Variants in TMEM71 observed in about 807,000 individuals in gnomAD.
The protein encoded by TMEM71 is transmembrane protein 71.
Under a neutral mutation model 38.0 loss-of-function variants are expected in TMEM71, and 44 were observed. The observed-to-expected ratio is 1.16, with a 90% confidence interval of 0.91 to 1.49. The LOEUF (loss-of-function observed/expected upper bound fraction) is 1.49, where lower values mean the gene tolerates loss of function less well. TMEM71 is among the 40% of genes most tolerant of loss of function. The probability of loss-of-function intolerance (pLI) is 0.00; values close to 1 mark genes in which losing one functional copy is unlikely to be tolerated. For synonymous variants in TMEM71, 133 were observed against 122.5 expected, an observed-to-expected ratio of 1.09 and a Z score of -0.56; for missense variants, 367 against 348.6, an observed-to-expected ratio of 1.05 and a Z score of -0.42.
chr8:132,771,089 T>A, the TMEM71 span, among the ~76,000 whole-genome samples: 1 of 152,206 alleles, frequency 6.6e-6, no homozygotes, highest in African/African-American at 2.4e-5. Context: ...TTGTCCTAAA[T>A]CAGAAATGTG....
intron 7 of TMEM71, among the ~76,000 whole-genome samples, chr8:132,719,904 G>A (rs953003839): frequency 6.6e-6 from 1 of 152,082 alleles, no homozygotes; most frequent in African/African-American, 2.4e-5. Context: ...TCCCATCCAG[G>A]TCACCACATA....
At chr8:132,743,143 C>A (rs1045362311) in intron 5 of TMEM71, among the ~76,000 whole-genome samples, 1 of 151,696 alleles carries the variant, frequency 6.6e-6, no homozygotes, top group Non-Finnish European at 1.5e-5. Flanking sequence ...TATCATGACA[C>A]ATGCTCAAAT....
At chr8:132,728,646 T>C (rs1040274168) in intron 5 of TMEM71, among the ~76,000 whole-genome samples, 2 of 152,260 alleles carry the variant, frequency 1.3e-5, no homozygotes, top group African/African-American at 2.4e-5. Context: ...GAAGTTTGTA[T>C]AGATGGATTT....
intron 6 of TMEM71, among the ~76,000 whole-genome samples, chr8:132,727,593 TAC>T (rs1438307697): frequency 0.037 from 5,636 of 152,210 alleles, 345 homozygotes; most frequent in African/African-American, 0.13. Context: ...CAGATCCAGT[TAC>T]TGATGCCTCT....
At chr8:132,766,605 G>T in the TMEM71 span, among the ~76,000 whole-genome samples, 1 of 152,026 alleles carries the variant, frequency 6.6e-6, no homozygotes, top group African/African-American at 2.4e-5. Context: ...TTCAAGACCA[G>T]CTTGGGCAAC....
intron 4 of TMEM71, among the ~76,000 whole-genome samples, chr8:132,748,655 T>C (rs1828523939): frequency 6.6e-6 from 1 of 152,234 alleles, no homozygotes; most frequent in East Asian, 1.9e-4. Flanking sequence ...AAAAAGGAAT[T>C]AGTAATTTTT....
the TMEM71 span, among the ~76,000 whole-genome samples, chr8:132,773,871 A>G: frequency 1.3e-5 from 2 of 152,340 alleles, no homozygotes; most frequent in South Asian, 4.1e-4. Flanking sequence ...GGATTATGCC[A>G]TGTAACAAAC....
the TMEM71 span, among the ~76,000 whole-genome samples, chr8:132,774,855 T>A: frequency 3.3e-5 from 5 of 152,360 alleles, no homozygotes; most frequent in Admixed American, 3.3e-4. Flanking sequence ...ATATTCGTCT[T>A]TGTATTGTAA....
intron 1 of TMEM71, among the ~76,000 whole-genome samples, chr8:132,759,691 T>G (rs1301222907): frequency 6.6e-6 from 1 of 152,238 alleles, no homozygotes; most frequent in African/African-American, 2.4e-5. Context: ...AATTATTTTC[T>G]GATTCACCAC....
intron 9 of TMEM71, among the ~76,000 whole-genome samples, 196 bp from the exon 10 acceptor site, chr8:132,711,178 C>A (rs1388564982): frequency 6.6e-6 from 1 of 152,176 alleles, no homozygotes; most frequent in Non-Finnish European, 1.5e-5. Context: ...TTTATCCCAG[C>A]AGTTCTTAGT....
chr8:132,770,820 T>C, the TMEM71 span, among the ~76,000 whole-genome samples: 3 of 152,218 alleles, frequency 2.0e-5, no homozygotes, highest in African/African-American at 7.2e-5. Context: ...CTTGCTAAAA[T>C]GCAGATTTCC....
chr8:132,756,761 A>AT (rs1829041075), intron 3 of TMEM71, among the ~76,000 whole-genome samples: 1 of 151,564 alleles, frequency 6.6e-6, no homozygotes, highest in Non-Finnish European at 1.5e-5. Context: ...TAATTTTTGT[A>AT]TTTTTAGTAG....
chr8:132,765,419 T>A (rs1433002901), upstream of TMEM71, among the ~76,000 whole-genome samples: 1 of 152,190 alleles, frequency 6.6e-6, no homozygotes, highest in Non-Finnish European at 1.5e-5. Flanking sequence ...GGTGTGGCTC[T>A]GCAGAAAGAA....
At chr8:132,755,546 A>G (rs1035588668) in intron 3 of TMEM71, among the ~76,000 whole-genome samples, 2 of 152,174 alleles carry the variant, frequency 1.3e-5, no homozygotes, top group Non-Finnish European at 2.9e-5. Flanking sequence ...AGCCTAAATC[A>G]TGCCTCCTAG....
chr8:132,754,114 C>T (rs372698096), intron 3 of TMEM71, among the ~76,000 whole-genome samples: 2 of 152,154 alleles, frequency 1.3e-5, no homozygotes, highest in Non-Finnish European at 2.9e-5. Context: ...AACCATAGAA[C>T]CCAGCCCTTT....
chr8:132,763,673 T>C (rs2131226975), upstream of TMEM71, among the ~76,000 whole-genome samples: 1 of 152,342 alleles, frequency 6.6e-6, no homozygotes, highest in South Asian at 2.1e-4. Flanking sequence ...TTATTTGCCT[T>C]GAGAATCTTT....
chr8:132,741,688 ACTG>A (rs1330132126), intron 5 of TMEM71, among the ~76,000 whole-genome samples: 1 of 152,064 alleles, frequency 6.6e-6, no homozygotes, highest in Non-Finnish European at 1.5e-5. Context: ...CTAATTTACT[ACTG>A]CTATCTAGAA....
intron 5 of TMEM71, among the ~76,000 whole-genome samples, chr8:132,746,013 T>C (rs1482874489): frequency 7.0e-6 from 1 of 142,208 alleles, no homozygotes; most frequent in Admixed American, 7.4e-5. Flanking sequence ...CTGGGGCTAC[T>C]AGATGGGGGA....
the TMEM71 span, among the ~76,000 whole-genome samples, chr8:132,766,798 A>T: frequency 9.0e-3 from 489 of 54,602 alleles, 13 homozygotes; most frequent in African/African-American, 0.017. Flanking sequence ...AAAAAAAATA[A>T]AAATAAAAAA....
Sources: allele counts gnomAD v4.1 joint callset (sites outside exome capture counted in the v4.1 genomes callset), GRCh38; gene constraint gnomAD v4.1.1; transcripts MANE v1.5; gene names NCBI Gene and HGNC (gene_info 2026-07-23, HGNC 2026-07-21).